The following MSH3 variants were observed in gnomAD, a reference collection of about 807,000 sequenced individuals.
MSH3 encodes DNA mismatch repair protein Msh3.
Under a neutral mutation model 123.3 loss-of-function variants are expected in MSH3, and 106 were observed. The observed-to-expected ratio is 0.86, with a 90% CI of 0.73 to 1.01. MSH3 has a LOEUF of 1.01. Ranked by LOEUF, MSH3 falls within the 50% of genes least tolerant of loss-of-function variation. The pLI is 0.00. For synonymous variants in MSH3, 515 were observed against 481.4 expected, an observed-to-expected ratio of 1.07 and a Z score of -0.91; for missense variants, 1,459 against 1,347.6, an observed-to-expected ratio of 1.08 and a Z score of -1.29.
chr5:80,847,249 G>T (rs1745741056), intron 20 of MSH3, among the ~76,000 whole-genome samples: 1 of 151,904 alleles, frequency 6.6e-6, no homozygotes. Flanking sequence ...TAGTAGATAT[G>T]TGGTTTTGCC....
At chr5:80,731,148 C>A (rs1388847675) in intron 10 of MSH3, among the ~76,000 whole-genome samples, 5 of 151,966 alleles carry the variant, frequency 3.3e-5, no homozygotes, top group Non-Finnish European at 7.4e-5. Flanking sequence ...AAGTGATCTG[C>A]CCACTTGGCC....
At chr5:80,780,673 C>T (rs1175960197) in intron 17 of MSH3, among the ~76,000 whole-genome samples, 3 of 152,170 alleles carry the variant, frequency 2.0e-5, no homozygotes, top group African/African-American at 7.2e-5. Context: ...TCAAGACCAG[C>T]CTGGCCAAGA....
At chr5:80,789,210 A>AT (rs920418196) in intron 18 of MSH3, among the ~76,000 whole-genome samples, 6 of 152,016 alleles carry the variant, frequency 3.9e-5, no homozygotes, top group African/African-American at 1.2e-4. Flanking sequence ...AAATACTTTC[A>AT]TTTTTTTCTT....
At chr5:80,665,399 A>G (rs1472355190) in intron 3 of MSH3, 36 bp downstream of exon 3, 2 of 1,504,468 alleles carry the variant, frequency 1.3e-6, no homozygotes, top group South Asian at 1.2e-5. Flanking sequence ...CCAGTTACCT[A>G]GAATAGTGGG....
At position 80,805,883 on chromosome 5, in the gene MSH3, G is replaced by A. The variant is rs539960160; in HGVS notation, c.2656-7701G>A. Among the ~76,000 whole-genome samples the A allele has an allele frequency of 5.9e-5, 9 of 151,994 alleles. No homozygotes were observed. In the South Asian group the frequency reaches 6.2e-4, roughly 11 times the overall value. On this transcript the variant is annotated intron_variant, in intron 19 of 23. Transcript: ENST00000265081. ...ATTACAGGCGTGGGACACCGCACCC[G>A]GCCCCAATATGATGCCTTTTGATGA...
At chr5:80,743,921 T>C (rs1743663906) in intron 11 of MSH3, among the ~76,000 whole-genome samples, 1 of 152,014 alleles carries the variant, frequency 6.6e-6, no homozygotes, top group Admixed American at 6.5e-5. Flanking sequence ...AATGTCTCAG[T>C]GGGCTTTGTA....
At chr5:80,795,150 G>T (rs547307808) in intron 19 of MSH3, among the ~76,000 whole-genome samples, 44 of 152,294 alleles carry the variant, frequency 2.9e-4, no homozygotes, top group Non-Finnish European at 4.3e-4. Context: ...ACCTCGGGCT[G>T]TGAGCAGAGG....
At chr5:80,760,263 C>A (rs1744009640) in intron 12 of MSH3, among the ~76,000 whole-genome samples, 1 of 152,200 alleles carries the variant, frequency 6.6e-6, no homozygotes, top group African/African-American at 2.4e-5. Context: ...ACTTACTACT[C>A]ACCAGACATG....
chr5:80,870,767 T>C (rs563447049), intron 22 of MSH3, among the ~76,000 whole-genome samples: 17 of 152,248 alleles, frequency 1.1e-4, no homozygotes, highest in African/African-American at 4.1e-4. Flanking sequence ...ATGTTCAGTC[T>C]TTGGCTTTTT....
intron 10 of MSH3, among the ~76,000 whole-genome samples, chr5:80,735,401 A>T (rs1265378794): frequency 6.6e-6 from 1 of 151,124 alleles, no homozygotes; most frequent in Non-Finnish European, 1.5e-5. Context: ...AAAAAAAAAA[A>T]AAAGTTGAGC....
At chr5:80,874,941 C>G (rs1039975667) in intron 23 of MSH3, among the ~76,000 whole-genome samples, 2 of 152,018 alleles carry the variant, frequency 1.3e-5, no homozygotes, top group Middle Eastern at 3.2e-3. Context: ...GTTATTTTAC[C>G]TTTTTTCTAA....
intron 12 of MSH3, among the ~76,000 whole-genome samples, chr5:80,749,585 A>G (rs1230668171): frequency 6.6e-6 from 1 of 152,184 alleles, no homozygotes; most frequent in Non-Finnish European, 1.5e-5. Flanking sequence ...CACCCAATCA[A>G]GTTGACATTC....
At chr5:80,742,840 A>T (rs996981251) in intron 11 of MSH3, among the ~76,000 whole-genome samples, 1 of 152,224 alleles carries the variant, frequency 6.6e-6, no homozygotes, top group South Asian at 2.1e-4. Context: ...GCCTGCAGCC[A>T]GCCCTGGCAT....
At chr5:80,785,311 C>T (rs888350314) in intron 17 of MSH3, among the ~76,000 whole-genome samples, 2 of 152,138 alleles carry the variant, frequency 1.3e-5, no homozygotes, top group African/African-American at 2.4e-5. Flanking sequence ...CCTTCTGATC[C>T]GTGGTCAGAC....
At position 80,768,062 on chromosome 5, in the gene MSH3, C is replaced by G. The variant is rs1744153840; in HGVS notation, c.2026C>G (p.Pro676Ala). 1 of 1,613,734 alleles carries G rather than the reference C, an allele frequency of 6.2e-7. No homozygotes were observed. The highest frequency in any genetic ancestry group is 8.5e-7 in the Non-Finnish European group (1 of 1,179,758). ...GCTCCGGACCGTTATTTTAGAAATT[C>G]CTGAACTCCTCAGTCCAGTGGAGCA... ...DLLRTVILEI[P>A]ELLSPVEHYL... Residue 676 changes from proline to alanine, a missense_variant, in exon 14 of 24, where the codon CCT (proline) becomes GCT (alanine). Physicochemically the swap from Pro to Ala is conservative, Grantham distance 27. Transcript: ENST00000265081.
chr5:80,708,608 G>T (rs1444596772), intron 8 of MSH3, among the ~76,000 whole-genome samples: 1 of 151,964 alleles, frequency 6.6e-6, no homozygotes, highest in Non-Finnish European at 1.5e-5. Context: ...TTCTTGTGGA[G>T]ATGGAGTCTC....
intron 20 of MSH3, among the ~76,000 whole-genome samples, chr5:80,817,743 C>T (rs532079925): frequency 6.6e-6 from 1 of 152,076 alleles, no homozygotes; most frequent in South Asian, 2.1e-4. Context: ...AATGTTCCAG[C>T]CAATAAACCA....
At chr5:80,672,223 T>C in intron 4 of MSH3, 21 bp from the exon 5 acceptor site, 1 of 1,505,004 alleles carries the variant, frequency 6.6e-7, no homozygotes, top group Non-Finnish European at 9.2e-7. Context: ...TTTATTGATA[T>C]TTTCTTTTTT....
At chr5:80,710,038 T>G (rs1018774708) in intron 8 of MSH3, among the ~76,000 whole-genome samples, 1 of 152,242 alleles carries the variant, frequency 6.6e-6, no homozygotes, top group Non-Finnish European at 1.5e-5. Flanking sequence ...CCACTTCTTT[T>G]CCTTTGAGCA....
Sources: allele counts gnomAD v4.1 joint callset (sites outside exome capture counted in the v4.1 genomes callset), GRCh38; gene constraint gnomAD v4.1.1; transcripts MANE v1.5; gene names NCBI Gene and HGNC (gene_info 2026-07-23, HGNC 2026-07-21).